The following HTR7 variants were observed in gnomAD, a reference collection of about 807,000 sequenced individuals.
The protein encoded by HTR7 is 5-hydroxytryptamine receptor 7, also known as 5-HT-7.
In HTR7, 16 loss-of-function variants were observed where a neutral mutation model predicts 34.0. That is an observed-to-expected ratio of 0.47 (90% CI 0.32 to 0.71). HTR7 has a LOEUF of 0.71. Ranked by LOEUF, HTR7 falls within the 30% of genes least tolerant of loss-of-function variation. HTR7 has a pLI of 0.04. For missense variants in HTR7, 504 were observed against 625.5 expected (o/e 0.81, Z 2.07); for synonymous variants, 265 against 260.2 (o/e 1.02, Z -0.18).
chr10:90,823,836 G>A (rs951426169), intron 1 of HTR7, among the ~76,000 whole-genome samples: 17 of 152,258 alleles, frequency 1.1e-4, no homozygotes, highest in African/African-American at 4.1e-4. Context: ...TTGAAAGTGT[G>A]TAGCACCTCC....
At chr10:90,815,305 TG>T (rs1388556717) in intron 1 of HTR7, among the ~76,000 whole-genome samples, 1 of 152,168 alleles carries the variant, frequency 6.6e-6, no homozygotes, top group Non-Finnish European at 1.5e-5. Flanking sequence ...TTGGCCAGGC[TG>T]GTCTTGAACT....
At chr10:90,804,210 G>A (rs1188896705) in intron 1 of HTR7, among the ~76,000 whole-genome samples, 1 of 151,998 alleles carries the variant, frequency 6.6e-6, no homozygotes, top group Admixed American at 6.5e-5. Context: ...CCCCTTTCCA[G>A]CTCCCCTTCA....
chr10:90,843,143 C>T (rs1021202136), intron 1 of HTR7, among the ~76,000 whole-genome samples: 2 of 151,694 alleles, frequency 1.3e-5, no homozygotes, highest in Admixed American at 6.6e-5. Flanking sequence ...TTTTTTCCTT[C>T]CTTCCTACTT....
intron 1 of HTR7, among the ~76,000 whole-genome samples, chr10:90,837,036 G>A (rs1458734006): frequency 6.6e-6 from 1 of 152,100 alleles, no homozygotes; most frequent in Non-Finnish European, 1.5e-5. Context: ...GAGAACCTTG[G>A]TCTAAACAGC....
intron 1 of HTR7, among the ~76,000 whole-genome samples, chr10:90,832,060 A>G (rs955138659): frequency 6.6e-6 from 1 of 152,248 alleles, no homozygotes; most frequent in Non-Finnish European, 1.5e-5. Flanking sequence ...TCCCTTAGCT[A>G]GACATAAAGA....
intron 1 of HTR7, among the ~76,000 whole-genome samples, chr10:90,819,908 T>C (rs1191210048): frequency 2.0e-5 from 3 of 152,028 alleles, no homozygotes; most frequent in Non-Finnish European, 4.4e-5. Context: ...CCACATTTAG[T>C]AGTGATTTTA....
chr10:90,787,494 A>C (rs1426410423), intron 1 of HTR7, among the ~76,000 whole-genome samples: 1 of 152,130 alleles, frequency 6.6e-6, no homozygotes, highest in Non-Finnish European at 1.5e-5. Flanking sequence ...TCCATCTCAA[A>C]AAAAATAAAA....
chr10:90,765,220 C>T (rs965654753), intron 1 of HTR7, among the ~76,000 whole-genome samples: 5 of 152,050 alleles, frequency 3.3e-5, no homozygotes, highest in Admixed American at 6.5e-5. Flanking sequence ...AGTTATTGGT[C>T]TGTTCAGATT....
intron 1 of HTR7, among the ~76,000 whole-genome samples, chr10:90,780,920 G>A (rs959589676): frequency 6.6e-6 from 1 of 152,200 alleles, no homozygotes; most frequent in Non-Finnish European, 1.5e-5. Context: ...CCATTGGTTT[G>A]AAGAAGAAAA....
At position 90,857,481 on chromosome 10, in the gene HTR7, G is replaced by C. The variant is rs559691526; in HGVS notation, c.191C>G (p.Pro64Arg). 2.5e-5 allele frequency: 40 copies of C among 1,613,454 alleles called. No homozygotes were observed. The African/African-American group carries it at 2.9e-4, about 12-fold the overall frequency. The change falls in exon 1 of 4, where the codon CCG becomes CGG. Residue 64 changes from proline (P) to arginine (R), a missense_variant. By Grantham distance (103) the Pro-to-Arg change is moderately radical. This residue lies in a region of HTR7 where 139 missense variants were observed against 117.1 expected (regional missense o/e 1.19). Transcript: ENST00000336152. The surrounding 1 kb of genome is among the most constrained non-coding windows in gnomAD (Gnocchi z 6.5). ...TTCCCCACAGCCGGAGGCATTGTCC[G>C]GGGGCGCGTCCCAGGTGGGCGCCGG... ...ASPAPTWDAP[P>R]DNASGCGEQI...
At chr10:90,792,861 T>C (rs778788579) in intron 1 of HTR7, among the ~76,000 whole-genome samples, 1 of 151,982 alleles carries the variant, frequency 6.6e-6, no homozygotes, top group Non-Finnish European at 1.5e-5. Flanking sequence ...AGAATACAGT[T>C]GGAGCCTTAC....
At chr10:90,761,605 C>T (rs1012991009) in intron 1 of HTR7, among the ~76,000 whole-genome samples, 11 of 150,494 alleles carry the variant, frequency 7.3e-5, no homozygotes, top group Non-Finnish European at 2.9e-5. Context: ...CATCTATTAC[C>T]TCACATAGTT....
chr10:90,792,307 C>T (rs1845470805), intron 1 of HTR7, among the ~76,000 whole-genome samples: 2 of 151,970 alleles, frequency 1.3e-5, no homozygotes, highest in African/African-American at 4.8e-5. Flanking sequence ...AAGAATACAG[C>T]CTGTAATAGG....
intron 1 of HTR7, among the ~76,000 whole-genome samples, chr10:90,822,178 T>C (rs951249065): frequency 6.6e-6 from 1 of 152,188 alleles, no homozygotes; most frequent in African/African-American, 2.4e-5. Context: ...AGAAAGATGG[T>C]AGGAAAGTTT....
At chr10:90,798,905 G>A (rs553679238) in intron 1 of HTR7, among the ~76,000 whole-genome samples, 9 of 152,148 alleles carry the variant, frequency 5.9e-5, no homozygotes, top group Non-Finnish European at 8.8e-5. Flanking sequence ...CTTCTTGCCC[G>A]AGAACTAGAC....
At chr10:90,803,745 T>C (rs1845664341) in intron 1 of HTR7, among the ~76,000 whole-genome samples, 1 of 152,170 alleles carries the variant, frequency 6.6e-6, no homozygotes, top group Non-Finnish European at 1.5e-5. Flanking sequence ...GTAACAATTC[T>C]GGATCTTAAG....
chr10:90,765,335 T>C (rs1251929849), intron 1 of HTR7, among the ~76,000 whole-genome samples: 1 of 152,172 alleles, frequency 6.6e-6, no homozygotes, highest in African/African-American at 2.4e-5. Context: ...ACTTTATAAT[T>C]ATTCATCATA....
intron 1 of HTR7, among the ~76,000 whole-genome samples, chr10:90,811,034 C>T (rs1178051262): frequency 2.6e-5 from 4 of 152,152 alleles, no homozygotes; most frequent in Admixed American, 2.0e-4. Context: ...TAGCTGACCC[C>T]ATAGATCCTA....
chr10:90,793,365 A>G (rs1845488294), intron 1 of HTR7, among the ~76,000 whole-genome samples: 1 of 151,814 alleles, frequency 6.6e-6, no homozygotes, highest in African/African-American at 2.4e-5. Context: ...CAACTAAAGG[A>G]ATCATTAATA....
Sources: gnomAD v4.1 joint callset for allele counts (sites outside exome capture counted in the v4.1 genomes callset) on GRCh38, gnomAD v4.1.1 for gene constraint, gnomAD v4.1.1 regional missense constraint, Gnocchi (gnomAD v3.1) non-coding constraint, MANE v1.5 for transcripts, NCBI Gene and HGNC (gene_info 2026-07-23, HGNC 2026-07-21) for gene names.